Variants in COLEC12 observed in about 807,000 individuals in gnomAD.
COLEC12 encodes collectin subfamily member 12.
In COLEC12, 33 loss-of-function variants were observed where a neutral mutation model predicts 71.1. The observed-to-expected ratio is 0.46, with a 90% confidence interval of 0.35 to 0.62. The LOEUF (loss-of-function observed/expected upper bound fraction) is 0.62, where lower values mean the gene tolerates loss of function less well. Ranked by LOEUF, COLEC12 falls within the 20% of genes least tolerant of loss-of-function variation. COLEC12 has a pLI of 0.00. For missense variants in COLEC12, 765 were observed against 916.1 expected, an observed-to-expected ratio of 0.84 and a Z score of 2.13; for synonymous variants, 350 against 353.0, an observed-to-expected ratio of 0.99 and a Z score of 0.10.
chr18:335,054 T>A lies in COLEC12; in HGVS notation c.1504A>T (p.Lys502Ter). 6.2e-7 allele frequency: 1 copy of A among 1,608,178 alleles called. No individual in the cohort carries two copies. Among genetic ancestry groups the A allele is most frequent in the Non-Finnish European group, 8.5e-7 (1 of 1,178,202 alleles). The change falls in exon 6 of 10, where the codon AAA becomes TAA. Residue 502 changes from lysine to a stop codon, truncating the protein, a stop_gained. Transcript: ENST00000400256. LOFTEE classifies it high-confidence loss of function. ...GAGCCTTTGGGGCCCTGGGAGCCTT[T>A]AGATCCTTTGCCGCCACGCTCTCCG... is the stretch of plus-strand genomic sequence containing the variant. Reference protein sequence around the residue: ...PPGERGGKGSKGSQGPKGSRG... With the variant: ...PPGERGGKGS
intron 2 of COLEC12, among the ~76,000 whole-genome samples, chr18:433,963 C>CAAAA (rs11395419): frequency 3.5e-4 from 45 of 130,166 alleles, no homozygotes; most frequent in Middle Eastern, 8.0e-3. Flanking sequence ...GACCCTGCCT[C>CAAAA]AAAAAAAAAA....
At chr18:461,531 C>T (rs963017719) in intron 2 of COLEC12, among the ~76,000 whole-genome samples, 3 of 152,176 alleles carry the variant, frequency 2.0e-5, no homozygotes, top group Admixed American at 6.5e-5. Context: ...GGACCACAGG[C>T]ATACACCACC....
At position 436,659 on chromosome 18, in the gene COLEC12, T is replaced by A. The variant is rs184563422; in HGVS notation, c.58+44048A>T. Among the ~76,000 whole-genome samples the A allele has an allele frequency of 2.0e-5, 3 of 151,698 alleles. No individual in the cohort carries two copies. The East Asian group carries it at 5.8e-4, about 29-fold the overall frequency. On this transcript the variant is annotated intron_variant, in intron 2 of 9. Transcript: ENST00000400256. Reference sequence around the variant, plus strand: ...TAGGATTTGCAGGCCTTACTTCCAATCTATCTGGGAGTCACCTGAACCAAA... The same window carrying A: ...TAGGATTTGCAGGCCTTACTTCCAAACTATCTGGGAGTCACCTGAACCAAA...
intron 2 of COLEC12, among the ~76,000 whole-genome samples, chr18:402,274 G>A (rs1915702786): frequency 6.6e-6 from 1 of 152,134 alleles, no homozygotes; most frequent in South Asian, 2.1e-4. Context: ...CCTACAACCA[G>A]TCTGACTGGC....
At chr18:486,626 A>C (rs1015819338) in intron 1 of COLEC12, among the ~76,000 whole-genome samples, 1 of 152,226 alleles carries the variant, frequency 6.6e-6, no homozygotes, top group Non-Finnish European at 1.5e-5. Context: ...GTTCCACACC[A>C]TGATGGTGAC....
intron 2 of COLEC12, among the ~76,000 whole-genome samples, chr18:418,790 T>C (rs888247472): frequency 2.0e-5 from 3 of 152,232 alleles, no homozygotes; most frequent in African/African-American, 7.2e-5. Context: ...TTGTTGAGCA[T>C]ATCATCAAGA....
chr18:467,467 G>A (rs72853161), intron 2 of COLEC12, among the ~76,000 whole-genome samples: 2,222 of 152,336 alleles, frequency 0.015, 54 homozygotes, highest in Non-Finnish European at 0.015. Flanking sequence ...ATTTTCCTCT[G>A]TTGGTAACTG....
At chr18:428,854 G>C (rs781555597) in intron 2 of COLEC12, among the ~76,000 whole-genome samples, 3 of 148,502 alleles carry the variant, frequency 2.0e-5, no homozygotes, top group Admixed American at 6.8e-5. Flanking sequence ...ACTTGCTCAA[G>C]AGCAAATTTT....
intron 2 of COLEC12, among the ~76,000 whole-genome samples, chr18:442,723 A>T (rs571261191): frequency 6.6e-6 from 1 of 152,364 alleles, no homozygotes; most frequent in South Asian, 2.1e-4. Context: ...GTACTTTGGG[A>T]GGCCAAGGCA....
chr18:483,693 T>C (rs1598379898), intron 1 of COLEC12, among the ~76,000 whole-genome samples: 2 of 152,372 alleles, frequency 1.3e-5, no homozygotes, highest in South Asian at 2.1e-4. Context: ...CCATGCTCTG[T>C]TCCTGCTTTA....
At chr18:325,652 T>TTTTA (rs1913823518) in intron 8 of COLEC12, among the ~76,000 whole-genome samples, 1 of 132,966 alleles carries the variant, frequency 7.5e-6, no homozygotes, top group Non-Finnish European at 1.6e-5. Flanking sequence ...TTTTTTTTTT[T>TTTTA]TTTTGAGACA....
chr18:330,201 GCA>G (rs1913940274), intron 8 of COLEC12, among the ~76,000 whole-genome samples: 1 of 152,200 alleles, frequency 6.6e-6, no homozygotes, highest in South Asian at 2.1e-4. Context: ...AAATGCACAT[GCA>G]CACGCACATA....
At chr18:498,925 A>C (rs2143802737) in intron 1 of COLEC12, among the ~76,000 whole-genome samples, 1 of 152,332 alleles carries the variant, frequency 6.6e-6, no homozygotes, top group East Asian at 1.9e-4. Flanking sequence ...TCCTTTACCC[A>C]GTAAAAAGCA....
intron 2 of COLEC12, among the ~76,000 whole-genome samples, chr18:478,199 A>C (rs1388186035): frequency 6.6e-6 from 1 of 152,158 alleles, no homozygotes; most frequent in African/African-American, 2.4e-5. Context: ...CCCCAAAACG[A>C]CATTATCCTG....
At chr18:337,800 T>C (rs1914152929) in intron 5 of COLEC12, among the ~76,000 whole-genome samples, 1 of 152,166 alleles carries the variant, frequency 6.6e-6, no homozygotes, top group South Asian at 2.1e-4. Flanking sequence ...TCTTGTCTCT[T>C]TGCTGTGCGT....
chr18:466,218 C>T (rs576311698), intron 2 of COLEC12, among the ~76,000 whole-genome samples: 83 of 152,178 alleles, frequency 5.5e-4, no homozygotes, highest in East Asian at 1.2e-3. Flanking sequence ...CCAGCCTGGG[C>T]GACAGATTGA....
At chr18:323,181 A>C (rs532691378) in intron 8 of COLEC12, among the ~76,000 whole-genome samples, 1 of 152,172 alleles carries the variant, frequency 6.6e-6, no homozygotes, top group Non-Finnish European at 1.5e-5. Context: ...AGCCAAGATC[A>C]TGCCACTGCA....
chr18:321,030 C>T (rs553838307), intron 9 of COLEC12, among the ~76,000 whole-genome samples: 8 of 152,244 alleles, frequency 5.3e-5, no homozygotes, highest in African/African-American at 1.4e-4. Flanking sequence ...TGGATGTCTA[C>T]GGAAAAGAAC....
At chr18:432,981 C>T (rs1916334948) in intron 2 of COLEC12, among the ~76,000 whole-genome samples, 1 of 152,148 alleles carries the variant, frequency 6.6e-6, no homozygotes, top group Non-Finnish European at 1.5e-5. Context: ...CTCCACCTTT[C>T]CTGTAAGTCT....
Sources: allele counts gnomAD v4.1 joint callset (sites outside exome capture counted in the v4.1 genomes callset), GRCh38; gene constraint gnomAD v4.1.1; transcripts MANE v1.5; gene names NCBI Gene and HGNC (gene_info 2026-07-23, HGNC 2026-07-21).